CFAP77: variants seen among roughly 807,000 people sequenced by gnomAD.
CFAP77 encodes the protein cilia and flagella associated protein 77.
CFAP77 carries 25 observed loss-of-function variants against 31.1 expected under a neutral mutation model. That is an observed-to-expected ratio of 0.80 (90% CI 0.59 to 1.12). The LOEUF is 1.12. Ranked by LOEUF, CFAP77 falls within the 50% of genes most tolerant of loss-of-function variation. The pLI, the probability that CFAP77 is intolerant of heterozygous loss-of-function variation, is 0.00. For synonymous variants in CFAP77, 151 were observed against 159.9 expected (o/e 0.94, Z 0.42); for missense variants, 377 against 397.3 (o/e 0.95, Z 0.44).
intron 1 of CFAP77, among the ~76,000 whole-genome samples, chr9:132,496,366 C>T (rs1011054683): frequency 6.6e-6 from 1 of 152,210 alleles, no homozygotes; most frequent in African/African-American, 2.4e-5. Flanking sequence ...CTACAATTCA[C>T]CCATTGAAAA....
intron 3 of CFAP77, among the ~76,000 whole-genome samples, chr9:132,515,401 C>T (rs1301244057): frequency 5.9e-5 from 9 of 152,200 alleles, no homozygotes; most frequent in Non-Finnish European, 1.0e-4. Flanking sequence ...CCCCTGGGCA[C>T]ACTTGCCTTC....
rs1327572334 is a variant in CFAP77 at position 132,462,256 on chromosome 9, T to A, written c.196-36439T>A. Reference sequence around the variant, plus strand: ...CTGTGGCTGATCTCTAGGACGTGTTTCTTGTGAGTTACTCTGGAATAATTC... The same window carrying A: ...CTGTGGCTGATCTCTAGGACGTGTTACTTGTGAGTTACTCTGGAATAATTC... On this transcript the variant is annotated intron_variant, in intron 1 of 5. Transcript: ENST00000393216. Among the ~76,000 whole-genome samples, 559 of 152,338 alleles carry A rather than the reference T, an allele frequency of 3.7e-3. 2 individuals are homozygous for A. The highest frequency in any genetic ancestry group is 0.013 in the African/African-American group (521 of 41,582).
intron 3 of CFAP77, chr9:132,513,277 A>G (rs1164602197): frequency 1.3e-6 from 2 of 1,548,890 alleles, no homozygotes; most frequent in Non-Finnish European, 1.7e-6. Flanking sequence ...CCAAACAAAT[A>G]GAAAAGTTCA....
rs558672319 is a variant in CFAP77 at position 132,572,546 on chromosome 9, A to G, written c.*36A>G. 6.4e-7 allele frequency: 1 copy of G among 1,573,874 alleles called. No homozygotes were observed. Among genetic ancestry groups the G allele is most frequent in the South Asian group, 1.1e-5 (1 of 87,962 alleles). On this transcript the variant is annotated 3_prime_UTR_variant, in exon 6 of 6. Transcript: ENST00000393216. ...CCCTGCCACAAGAAGCCATCTTGAC[A>G]TAGTGGAAAATTCCCAGAAGGACTC...
At chr9:132,471,461 C>CCA (rs374841759) in intron 1 of CFAP77, among the ~76,000 whole-genome samples, 1 of 151,908 alleles carries the variant, frequency 6.6e-6, no homozygotes, top group African/African-American at 2.4e-5. Flanking sequence ...CCACCGTTGC[C>CCA]CACACACACA....
At chr9:132,568,074 C>G (rs149232107) in intron 5 of CFAP77, among the ~76,000 whole-genome samples, 142 of 152,220 alleles carry the variant, frequency 9.3e-4, no homozygotes, top group Non-Finnish European at 1.6e-3. Context: ...ATGGACAGGG[C>G]TGAGAGGTGG....
Position 132,545,976 on chromosome 9 carries a change from AT to A in CFAP77, c.732+2936del, listed in dbSNP as rs1402297876. Among the ~76,000 whole-genome samples, 1 of 151,990 alleles carries A rather than the reference AT, an allele frequency of 6.6e-6. No individual in the cohort carries two copies. The highest frequency in any genetic ancestry group is 1.5e-5 in the Non-Finnish European group (1 of 67,998). On this transcript the variant is annotated intron_variant, in intron 5 of 5. Coordinates refer to ENST00000393216, the MANE Select transcript of CFAP77 (RefSeq NM_001282957.2). This position sits in a 1 kb window ranked among gnomAD's most constrained non-coding sequence, Gnocchi z 4.6. ...AACTCTGCAATTAATTAACTGGGCAATTTTTTTCATCTTGCTCAGTAAAATG... is the reference window on the plus strand; with the variant it reads ...AACTCTGCAATTAATTAACTGGGCAATTTTTTCATCTTGCTCAGTAAAATG...
chr9:132,410,368 C>CGGCGGCCCCTGACCGT lies in CFAP77; in HGVS notation c.103_118dup (p.Asp40AlafsTer33). ...GGTCAGCCAGGTCTGCCCGCCCCCG[C>CGGCGGCCCCTGACCGT]GGCGGCCCCTGACCGTGGCGGACAT... On this transcript the variant is annotated frameshift_variant, in exon 1 of 6. Coordinates refer to ENST00000393216, the MANE Select transcript of CFAP77 (RefSeq NM_001282957.2). LOFTEE classifies it high-confidence loss of function. The CGGCGGCCCCTGACCGT allele has an allele frequency of 5.6e-6, 9 of 1,599,044 alleles. No individual in the cohort carries two copies. Among genetic ancestry groups the CGGCGGCCCCTGACCGT allele is most frequent in the Non-Finnish European group, 7.7e-6 (9 of 1,174,214 alleles).
In CFAP77 at chr9:132,499,356, C is replaced by G. The variant is rs1851799062; in HGVS notation, c.296-16C>G. On this transcript the variant is annotated splice_polypyrimidine_tract_variant and intron_variant, in intron 2 of 5. Transcript: ENST00000393216. The surrounding 1 kb of genome is among the most constrained non-coding windows in gnomAD (Gnocchi z 5.4). The stretch of plus-strand genomic sequence containing the variant: ...CCAGGCTGACCACTGCCCCGTGGGT[C>G]TCTCCCTGCCCTCAGCCATCGGACG... 6.2e-7 allele frequency: 1 copy of G among 1,612,310 alleles called. No individual in the cohort carries two copies. The highest frequency in any genetic ancestry group is 8.5e-7 in the Non-Finnish European group (1 of 1,178,898).
In CFAP77 at chr9:132,545,994, A is replaced by T. The variant is rs748842061; in HGVS notation, c.732+2947A>T. ...CTGGGCAATTTTTTTCATCTTGCTC[A>T]GTAAAATGTGAGCCCCCCAGGACCG... On this transcript the variant is annotated intron_variant, in intron 5 of 5. Coordinates refer to ENST00000393216, the MANE Select transcript of CFAP77 (RefSeq NM_001282957.2). This position sits in a 1 kb window ranked among gnomAD's most constrained non-coding sequence, Gnocchi z 4.6. Among the ~76,000 whole-genome samples, 2 of 152,178 alleles carry T rather than the reference A, an allele frequency of 1.3e-5. No homozygotes were observed. The highest frequency in any genetic ancestry group is 2.9e-5 in the Non-Finnish European group (2 of 68,040).
At chr9:132,541,996 G>A (rs1404460680) in intron 4 of CFAP77, among the ~76,000 whole-genome samples, 1 of 152,132 alleles carries the variant, frequency 6.6e-6, no homozygotes, top group East Asian at 1.9e-4. Context: ...ATGTTCTGTA[G>A]GGCCTGAAAG....
At chr9:132,557,441 G>A (rs745721342) in intron 5 of CFAP77, among the ~76,000 whole-genome samples, 1 of 152,350 alleles carries the variant, frequency 6.6e-6, no homozygotes, top group Non-Finnish European at 1.5e-5. Context: ...CACAGCCAGG[G>A]ATGAGCGCTG....
Position 132,410,321 on chromosome 9 carries a change from A to G in CFAP77, c.50A>G (p.Gln17Arg). 1 of 1,597,146 alleles carries G rather than the reference A, an allele frequency of 6.3e-7. No individual in the cohort carries two copies. The highest frequency in any genetic ancestry group is 8.5e-7 in the Non-Finnish European group (1 of 1,173,276). The change falls in exon 1 of 6, where the codon CAG (glutamine) becomes CGG (arginine). Residue 17 changes from glutamine to arginine, a missense_variant. Physicochemically the swap from Gln to Arg is conservative, Grantham distance 43 (BLOSUM62 1). Transcript: ENST00000393216. Reference protein sequence around the residue: ...SGPDLTRWRKQQQPVRRTVSQ... With the variant: ...SGPDLTRWRKRQQPVRRTVSQ... ...CCGGACCTCACGCGATGGAGGAAGC[A>G]GCAGCAGCCTGTGCGCCGCACGGTC...
At chr9:132,512,188 G>A (rs1852052755) in intron 3 of CFAP77, among the ~76,000 whole-genome samples, 1 of 152,166 alleles carries the variant, frequency 6.6e-6, no homozygotes, top group Non-Finnish European at 1.5e-5. Context: ...AGCTCCTGGT[G>A]GCCCCAGGTG....
In CFAP77 at chr9:132,497,059, G is replaced by A. The variant is rs137930907; in HGVS notation, c.196-1636G>A. ...TTGAAGAATAAGGACCAGTAAGGGT[G>A]GGCCTTGAGCAAAGAGCAATGGAGG... On this transcript the variant is annotated intron_variant, in intron 1 of 5. Transcript: ENST00000393216. The surrounding 1 kb of genome is among the most constrained non-coding windows in gnomAD (Gnocchi z 4.9). Among the ~76,000 whole-genome samples, 2 of 152,268 alleles carry A rather than the reference G, an allele frequency of 1.3e-5. No homozygotes were observed. Among genetic ancestry groups the A allele is most frequent in the Non-Finnish European group, 2.9e-5 (2 of 68,024 alleles).
chr9:132,510,864 A>C (rs1021986345), intron 3 of CFAP77, among the ~76,000 whole-genome samples: 7 of 152,120 alleles, frequency 4.6e-5, no homozygotes, highest in African/African-American at 1.7e-4. Context: ...CCTCATACAC[A>C]TCAACTCAAG....
Position 132,498,869 on chromosome 9 carries a change from C to T in CFAP77, c.295+75C>T, listed in dbSNP as rs927008375. 9.4e-7 allele frequency: 1 copy of T among 1,065,870 alleles called. No individual in the cohort carries two copies. The highest frequency in any genetic ancestry group is 1.6e-5 in the African/African-American group (1 of 63,690). The allele number at this position is 1,065,870 out of a possible 1,614,324, so 66.0% of individuals were successfully genotyped here. A position where few individuals can be genotyped will look rare whatever the true frequency, so the allele number is the denominator to read the frequency against. ...CACCCCTCTTCACAGACCCCTTGACCTAGCTCGCTGCTTGGCAGCTGGTTG... is the reference window on the plus strand; with the variant it reads ...CACCCCTCTTCACAGACCCCTTGACTTAGCTCGCTGCTTGGCAGCTGGTTG... On this transcript the variant is annotated intron_variant, in intron 2 of 5. Transcript: ENST00000393216. This position sits in a 1 kb window ranked among gnomAD's most constrained non-coding sequence, Gnocchi z 4.2.
intron 1 of CFAP77, among the ~76,000 whole-genome samples, chr9:132,461,781 AAGAC>A (rs1436952297): frequency 3.9e-5 from 6 of 152,320 alleles, no homozygotes; most frequent in African/African-American, 7.2e-5. Context: ...TGCTTTGTTA[AAGAC>A]AGACAGGCTT....
Position 132,545,657 on chromosome 9 carries a change from C to T in CFAP77, c.732+2610C>T, listed in dbSNP as rs548595199. On this transcript the variant is annotated intron_variant, in intron 5 of 5. Coordinates refer to ENST00000393216, the MANE Select transcript of CFAP77 (RefSeq NM_001282957.2). The surrounding 1 kb of genome is among the most constrained non-coding windows in gnomAD (Gnocchi z 4.6). ...GACCCTTAGACACACAGAGTGCTGC[C>T]GTTATGGGTGTCACACGCAGTCGCC... is the stretch of plus-strand genomic sequence containing the variant. Among the ~76,000 whole-genome samples the T allele has an allele frequency of 7.9e-5, 12 of 152,320 alleles. No homozygotes were observed. In the East Asian group the frequency reaches 1.7e-3, roughly 22 times the overall value.
Sources: gnomAD v4.1 joint callset for allele counts (sites outside exome capture counted in the v4.1 genomes callset) on GRCh38, gnomAD v4.1.1 for gene constraint, Gnocchi (gnomAD v3.1) non-coding constraint, MANE v1.5 for transcripts, NCBI Gene and HGNC (gene_info 2026-07-23, HGNC 2026-07-21) for gene names.